SPRR2G: variants seen among roughly 807,000 people sequenced by gnomAD.
SPRR2G encodes small proline-rich protein 2G.
Under a neutral mutation model 0.7 loss-of-function variants are expected in SPRR2G, and 1 was observed. The observed-to-expected ratio is 1.49, with a 90% CI of 0.53 to 7.06. The LOEUF is 7.06. SPRR2G is among the 30% of genes most tolerant of loss of function. The probability of loss-of-function intolerance (pLI) is 0.14; values close to 1 mark genes in which losing one functional copy is unlikely to be tolerated. For synonymous variants in SPRR2G, 38 were observed against 33.9 expected (o/e 1.12, Z -0.42); for missense variants, 96 against 88.5 (o/e 1.09, Z -0.34).
chr1:153,193,680 TAGA>T, the SPRR2G span, among the ~76,000 whole-genome samples: 1 of 152,190 alleles, frequency 6.6e-6, no homozygotes, highest in Admixed American at 6.5e-5. Flanking sequence ...GGAATCCTTA[TAGA>T]AGAACTGTTT....
the SPRR2G span, among the ~76,000 whole-genome samples, chr1:153,161,666 A>G: frequency 6.6e-6 from 1 of 152,072 alleles, no homozygotes; most frequent in Admixed American, 6.6e-5. Context: ...TTACCCTAGG[A>G]CTCACCTAAG....
chr1:153,172,222 C>T, the SPRR2G span, among the ~76,000 whole-genome samples: 1 of 152,164 alleles, frequency 6.6e-6, no homozygotes, highest in South Asian at 2.1e-4. Flanking sequence ...AATTATAACT[C>T]TCATGCTCAG....
the SPRR2G span, among the ~76,000 whole-genome samples, chr1:153,175,395 G>GT: frequency 1.3e-5 from 2 of 152,114 alleles, no homozygotes; most frequent in African/African-American, 4.8e-5. Context: ...GGCTGTTCCC[G>GT]TAAGTCCAGT....
the SPRR2G span, among the ~76,000 whole-genome samples, chr1:153,182,579 C>T: frequency 1.3e-5 from 2 of 152,170 alleles, no homozygotes; most frequent in East Asian, 3.9e-4. Context: ...GTGTGATGTT[C>T]CCCTCCCTCT....
chr1:153,170,365 G>T, the SPRR2G span, among the ~76,000 whole-genome samples: 1 of 152,170 alleles, frequency 6.6e-6, no homozygotes, highest in Non-Finnish European at 1.5e-5. Context: ...ACAAAAAGCT[G>T]TATAATTGGT....
At chr1:153,171,394 AC>A in the SPRR2G span, among the ~76,000 whole-genome samples, 1 of 152,182 alleles carries the variant, frequency 6.6e-6, no homozygotes, top group East Asian at 1.9e-4. Context: ...AGGAGCCTTT[AC>A]ACCCACTCGC....
At chr1:153,165,309 A>G in the SPRR2G span, among the ~76,000 whole-genome samples, 1 of 152,178 alleles carries the variant, frequency 6.6e-6, no homozygotes, top group African/African-American at 2.4e-5. Context: ...AAAAAAATCA[A>G]AGAGAATTCA....
At chr1:153,194,737 G>A in the SPRR2G span, among the ~76,000 whole-genome samples, 17 of 152,172 alleles carry the variant, frequency 1.1e-4, no homozygotes, top group South Asian at 2.1e-4. Context: ...AGCAGCATCC[G>A]TAACCAGCCT....
At chr1:153,167,129 T>C in the SPRR2G span, among the ~76,000 whole-genome samples, 1 of 152,212 alleles carries the variant, frequency 6.6e-6, no homozygotes, top group Non-Finnish European at 1.5e-5. Flanking sequence ...CATGCCATAC[T>C]GCAGTTAATG....
chr1:153,159,442 C>T, the SPRR2G span, among the ~76,000 whole-genome samples: 1 of 152,242 alleles, frequency 6.6e-6, no homozygotes, highest in African/African-American at 2.4e-5. Flanking sequence ...TAAAACCGTT[C>T]AGCAAGTATC....
At chr1:153,195,189 T>C in the SPRR2G span, among the ~76,000 whole-genome samples, 1 of 152,158 alleles carries the variant, frequency 6.6e-6, no homozygotes, top group Non-Finnish European at 1.5e-5. Flanking sequence ...GAAGCCTCCC[T>C]TCCCCGCAGC....
chr1:153,168,299 T>C, the SPRR2G span, among the ~76,000 whole-genome samples: 10,182 of 152,238 alleles, frequency 0.067, 553 homozygotes, highest in Middle Eastern at 0.16. Flanking sequence ...TCTCTCAAAG[T>C]TCCACTTCAG....
the SPRR2G span, among the ~76,000 whole-genome samples, chr1:153,192,987 C>T: frequency 6.6e-6 from 1 of 152,138 alleles, no homozygotes; most frequent in East Asian, 1.9e-4. Context: ...CTTTGTGAGG[C>T]ACACACTAGG....
chr1:153,149,862 T>C lies in SPRR2G; in HGVS notation c.*27A>G. The C allele has an allele frequency of 6.2e-7, 1 of 1,613,538 alleles. No homozygotes were observed. The highest frequency in any genetic ancestry group is 8.5e-7 in the Non-Finnish European group (1 of 1,179,558). ...AGAAGAGCCACTGGATCTTGTTGTT[T>C]CATGGTCCTGATGAATTCTAGTGAT... On this transcript the variant is annotated 3_prime_UTR_variant, in exon 2 of 2. Coordinates refer to ENST00000368748, the MANE Select transcript of SPRR2G (RefSeq NM_001014291.4).
chr1:153,197,131 A>AGTGTGT, the SPRR2G span, among the ~76,000 whole-genome samples: 5 of 104,616 alleles, frequency 4.8e-5, no homozygotes, highest in Admixed American at 1.1e-4. Flanking sequence ...CCAGGCAGAG[A>AGTGTGT]ATGTGTGTGT....
chr1:153,150,208 T>C lies in SPRR2G; in HGVS notation c.-21-77A>G. On this transcript the variant is annotated intron_variant, in intron 1 of 1. Coordinates refer to ENST00000368748, the MANE Select transcript of SPRR2G (RefSeq NM_001014291.4). ...GAGCAATTAGCTAGGACATCAAATCTCCAGTATCTAGGGACCAACTTTGAT... is the reference window on the plus strand; with the variant it reads ...GAGCAATTAGCTAGGACATCAAATCCCCAGTATCTAGGGACCAACTTTGAT... The C allele has an allele frequency of 1.9e-6, 3 of 1,570,348 alleles. No homozygotes were observed. In the South Asian group the frequency reaches 3.5e-5, roughly 18 times the overall value.
the SPRR2G span, among the ~76,000 whole-genome samples, chr1:153,167,272 C>T: frequency 6.6e-6 from 1 of 151,570 alleles, no homozygotes; most frequent in African/African-American, 2.4e-5. Flanking sequence ...GTCAGGAGTT[C>T]TCAACCAGCC....
At chr1:153,189,999 T>C in the SPRR2G span, 1 of 152,140 alleles carries the variant, frequency 6.6e-6, no homozygotes, top group Non-Finnish European at 1.5e-5. Flanking sequence ...AGAGAGGGTG[T>C]TTCTCCCTTG....
the SPRR2G span, among the ~76,000 whole-genome samples, chr1:153,165,273 A>G: frequency 6.6e-6 from 1 of 152,170 alleles, no homozygotes; most frequent in African/African-American, 2.4e-5. Context: ...TATTGAACTA[A>G]TACAATAAAT....
Sources: allele counts gnomAD v4.1 joint callset (sites outside exome capture counted in the v4.1 genomes callset), GRCh38; gene constraint gnomAD v4.1.1; transcripts MANE v1.5; gene names NCBI Gene and HGNC (gene_info 2026-07-23, HGNC 2026-07-21).